Variants in BRDT observed in about 807,000 individuals in gnomAD.
The protein encoded by BRDT is bromodomain testis associated.
BRDT carries 77 observed loss-of-function variants against 113.9 expected under a neutral mutation model. The observed-to-expected ratio is 0.68, with a 90% CI of 0.56 to 0.82. The LOEUF is 0.82. Ranked by LOEUF, BRDT falls within the 40% of genes least tolerant of loss-of-function variation. BRDT has a pLI of 0.00. For synonymous variants in BRDT, 358 were observed against 366.5 expected, an observed-to-expected ratio of 0.98 and a Z score of 0.26; for missense variants, 1,027 against 1,105.4, an observed-to-expected ratio of 0.93 and a Z score of 1.01.
At chr1:91,971,878 T>C (rs922450209) in intron 4 of BRDT, among the ~76,000 whole-genome samples, 1 of 152,196 alleles carries the variant, frequency 6.6e-6, no homozygotes, top group African/African-American at 2.4e-5. Flanking sequence ...TTCCTTTTTG[T>C]TATCTCCCTT....
chr1:92,005,133 G>T lies in BRDT; in HGVS notation c.2609G>T (p.Gly870Val). 1 of 1,508,346 alleles carries T rather than the reference G, an allele frequency of 6.6e-7. No homozygotes were observed. The highest frequency in any genetic ancestry group is 8.8e-7 in the Non-Finnish European group (1 of 1,133,832). The allele number at this position is 1,508,346 out of a possible 1,614,324, so 93.4% of individuals were successfully genotyped here. Residue 870 changes from glycine (G) to valine (V), a missense_variant, in exon 18 of 19, where the codon GGA (glycine) becomes GTA (valine). By Grantham distance (109) the Gly-to-Val change is moderately radical. Transcript: ENST00000399546. ...SQENQRDLGN[G>V]LTVESFSNKI... ...TTTTCTTTAAGGGATCTTGGGAATG[G>T]ATTGACTGTAGAATCTTTTTCAAAT...
At chr1:91,985,178 T>C (rs1570559759) in intron 12 of BRDT, among the ~76,000 whole-genome samples, 1 of 151,864 alleles carries the variant, frequency 6.6e-6, no homozygotes, top group Admixed American at 6.6e-5. Context: ...GACTCCCGGG[T>C]TCAAGCGATC....
intron 15 of BRDT, among the ~76,000 whole-genome samples, chr1:91,995,760 C>T (rs997537927): frequency 3.3e-5 from 5 of 152,022 alleles, no homozygotes; most frequent in Non-Finnish European, 5.9e-5. Flanking sequence ...TCTCAGCCTC[C>T]TGAGTAGCTG....
chr1:91,965,387 G>A (rs187024582), intron 3 of BRDT, among the ~76,000 whole-genome samples: 19 of 152,112 alleles, frequency 1.2e-4, no homozygotes, highest in Admixed American at 1.1e-3. Context: ...TGTGAATAAG[G>A]TATTTCAGAA....
At chr1:91,999,757 A>G (rs1207520096) in intron 15 of BRDT, among the ~76,000 whole-genome samples, 1 of 152,172 alleles carries the variant, frequency 6.6e-6, no homozygotes, top group Non-Finnish European at 1.5e-5. Context: ...CATTTTTACA[A>G]TTCAAATGTA....
At position 91,979,600 on chromosome 1, in the gene BRDT, C is replaced by T; in HGVS notation, c.1130C>T (p.Pro377Leu). 3 of 1,609,872 alleles carry T rather than the reference C, an allele frequency of 1.9e-6. No individual in the cohort carries two copies. The highest frequency in any genetic ancestry group is 2.5e-6 in the Non-Finnish European group (3 of 1,179,140). The part of the protein sequence containing the change: ...DVFETHFSKI[P>L]IEPVESMPLC... ...TTCGAAACGCATTTTTCAAAGATCCCGATTGAACCTGTTGAGAGTATGCCT... is the reference window on the plus strand; with the variant it reads ...TTCGAAACGCATTTTTCAAAGATCCTGATTGAACCTGTTGAGAGTATGCCT... Residue 377 changes from proline (P) to leucine (L), a missense_variant, in exon 8 of 19, where the codon CCG (proline) becomes CTG (leucine). Physicochemically the swap from Pro to Leu is moderately conservative, Grantham distance 98 (BLOSUM62 -3). Coordinates refer to ENST00000399546, the MANE Select transcript of BRDT (RefSeq NM_207189.4).
intron 4 of BRDT, among the ~76,000 whole-genome samples, chr1:91,974,882 C>T (rs1216036905): frequency 1.3e-5 from 2 of 152,106 alleles, no homozygotes; most frequent in African/African-American, 2.4e-5. Flanking sequence ...GGAACCAACC[C>T]AAATGTCCAA....
intron 1 of BRDT, among the ~76,000 whole-genome samples, chr1:91,953,787 C>T (rs1358439796): frequency 6.6e-6 from 1 of 152,196 alleles, no homozygotes; most frequent in Admixed American, 6.5e-5. Context: ...GGATGCTACA[C>T]TATTGTGTGA....
At chr1:91,967,920 T>TAA (rs1253631891) in intron 3 of BRDT, among the ~76,000 whole-genome samples, 1 of 152,198 alleles carries the variant, frequency 6.6e-6, no homozygotes, top group East Asian at 1.9e-4. Context: ...GGGTCCTTTT[T>TAA]AGAAGCTGAA....
At chr1:91,993,175 T>C (rs546657160) in intron 14 of BRDT, among the ~76,000 whole-genome samples, 2 of 152,354 alleles carry the variant, frequency 1.3e-5, no homozygotes, top group Non-Finnish European at 2.9e-5. Flanking sequence ...CCTGGGTCTA[T>C]ATTGTTGTAA....
intron 6 of BRDT, 72 bp from the exon 7 acceptor site, chr1:91,978,096 C>A (rs1412276583): frequency 7.4e-7 from 1 of 1,357,612 alleles, no homozygotes; most frequent in Non-Finnish European, 1.0e-6. Flanking sequence ...GTAATATGAA[C>A]ATTTAATGTA....
In BRDT at chr1:91,964,055, TTTG is replaced by T. The variant is rs538277209; in HGVS notation, c.193-558_193-556del. 2.1e-3 allele frequency among the ~76,000 whole-genome samples: 313 copies of T among 152,002 alleles called. 2 individuals are homozygous for T. The highest frequency in any genetic ancestry group is 6.8e-3 in the Middle Eastern group (2 of 294). Reference sequence around the variant, plus strand: ...CCTGGCTAATTTTCTGTTGTTTTTTTTTGTTGTTGTTGTTGTGTTTTTTGAGAC... The same window carrying T: ...CCTGGCTAATTTTCTGTTGTTTTTTTTTGTTGTTGTTGTGTTTTTTGAGAC... On this transcript the variant is annotated intron_variant, in intron 2 of 18. Transcript: ENST00000399546.
chr1:91,962,577 A>G (rs1682603450), intron 1 of BRDT, 141 bp from the exon 2 acceptor site: 1 of 409,674 alleles, frequency 2.4e-6, no homozygotes, highest in Non-Finnish European at 4.3e-6. Flanking sequence ...CAAGTGATCC[A>G]CCCGCCTTGG....
chr1:91,953,960 GT>G (rs1368559634), intron 1 of BRDT, among the ~76,000 whole-genome samples: 2 of 150,490 alleles, frequency 1.3e-5, no homozygotes, highest in Non-Finnish European at 3.0e-5. Context: ...TCTCCTACCT[GT>G]TTTTTTTGTT....
intron 2 of BRDT, among the ~76,000 whole-genome samples, chr1:91,963,841 G>A (rs1249675579): frequency 9.5e-6 from 1 of 105,294 alleles, no homozygotes; most frequent in African/African-American, 3.8e-5. Context: ...AGTCAGCTTT[G>A]TTTCTCATTA....
At chr1:91,975,062 A>G (rs955630813) in intron 4 of BRDT, among the ~76,000 whole-genome samples, 15 of 152,094 alleles carry the variant, frequency 9.9e-5, no homozygotes, top group Admixed American at 5.2e-4. Flanking sequence ...GTTCTCACTC[A>G]TAGGTGGGAA....
chr1:92,007,106 G>C (rs1411558654), intron 18 of BRDT, among the ~76,000 whole-genome samples: 1 of 152,106 alleles, frequency 6.6e-6, no homozygotes, highest in Non-Finnish European at 1.5e-5. Context: ...CACATGTTTA[G>C]ACTAGTTACA....
intron 3 of BRDT, among the ~76,000 whole-genome samples, chr1:91,966,122 G>T (rs888540769): frequency 6.6e-6 from 1 of 151,926 alleles, no homozygotes; most frequent in Non-Finnish European, 1.5e-5. Flanking sequence ...TCTTCATATT[G>T]GCTCTCATCC....
At chr1:91,968,723 C>A (rs921614879) in intron 4 of BRDT, among the ~76,000 whole-genome samples, 1 of 152,052 alleles carries the variant, frequency 6.6e-6, no homozygotes, top group African/African-American at 2.4e-5. Context: ...ATCATCTTTA[C>A]AACTAATAAT....
Sources: allele counts gnomAD v4.1 joint callset (sites outside exome capture counted in the v4.1 genomes callset), GRCh38; gene constraint gnomAD v4.1.1; transcripts MANE v1.5; gene names NCBI Gene and HGNC (gene_info 2026-07-23, HGNC 2026-07-21).